ATP5MC1: variants seen among roughly 807,000 people sequenced by gnomAD.
ATP5MC1 encodes ATP synthase F(0) complex subunit C1, mitochondrial.
Under a neutral mutation model 12.1 loss-of-function variants are expected in ATP5MC1, and 4 were observed. The observed-to-expected ratio is 0.33, with a 90% confidence interval of 0.16 to 0.76. ATP5MC1 has a LOEUF of 0.76. Ranked by LOEUF, ATP5MC1 falls within the 30% of genes least tolerant of loss-of-function variation. The probability of loss-of-function intolerance (pLI) is 0.61; values close to 1 mark genes in which losing one functional copy is unlikely to be tolerated. For missense variants in ATP5MC1, 117 were observed against 172.1 expected (o/e 0.68, Z 1.79); for synonymous variants, 52 against 66.0 (o/e 0.79, Z 1.03).
rs754934515 is a variant in ATP5MC1 at position 48,895,621 on chromosome 17, T to C, written c.297-34T>C. Reference sequence around the variant, plus strand: ...CCTCCCCTCCCCTCACCCCTTCCTCTCCCTCAACTGGCAATGATCTCTGTC... The same window carrying C: ...CCTCCCCTCCCCTCACCCCTTCCTCCCCCTCAACTGGCAATGATCTCTGTC... On this transcript the variant is annotated intron_variant, in intron 4 of 4. Transcript: ENST00000393366. The C allele has an allele frequency of 1.3e-5, 20 of 1,563,004 alleles. No individual in the cohort carries two copies. In the Admixed American group the frequency reaches 2.3e-4, roughly 18 times the overall value.
intron 4 of ATP5MC1, 69 bp from the exon 5 acceptor site, chr17:48,895,586 C>A: frequency 3.5e-6 from 5 of 1,416,700 alleles, no homozygotes; most frequent in Non-Finnish European, 5.0e-6. Context: ...TTCACCTCAC[C>A]CTCCTGTGTC....
At chr17:48,894,697 G>A in intron 3 of ATP5MC1, 2 of 506,758 alleles carry the variant, frequency 3.9e-6, no homozygotes, top group Admixed American at 5.7e-5. Context: ...TAATCCCAGA[G>A]GTCGAGACTG....
intron 2 of ATP5MC1, 153 bp from the exon 3 acceptor site, chr17:48,894,219 G>A (rs2040552730): frequency 4.2e-6 from 3 of 718,916 alleles, no homozygotes; most frequent in Non-Finnish European, 7.2e-6. Flanking sequence ...CTGTCTCTGG[G>A]GCAGGCCTAT....
chr17:48,894,217 G>A (rs2040552711), intron 2 of ATP5MC1, 155 bp from the exon 3 acceptor site: 2 of 706,928 alleles, frequency 2.8e-6, no homozygotes, highest in East Asian at 5.4e-5. Context: ...AGCTGTCTCT[G>A]GGGCAGGCCT....
At chr17:48,894,864 A>C in intron 3 of ATP5MC1, 1 of 572,368 alleles carries the variant, frequency 1.7e-6, no homozygotes, top group Non-Finnish European at 3.3e-6. Context: ...GAGTTGGAGA[A>C]TCTGTATGCT....
chr17:48,895,855 C>A lies in ATP5MC1; in HGVS notation c.*86C>A. On this transcript the variant is annotated 3_prime_UTR_variant, in exon 5 of 5. Coordinates refer to ENST00000393366, the MANE Select transcript of ATP5MC1 (RefSeq NM_005175.3). ...GGGTGTGTTAAGCTTTACCATTAAA[C>A]ACAACGTTTCTCTAAACCCCTGTCT... The A allele has an allele frequency of 7.7e-7, 1 of 1,298,342 alleles. No individual in the cohort carries two copies. Among genetic ancestry groups the A allele is most frequent in the Non-Finnish European group, 1.1e-6 (1 of 903,992 alleles). The allele number at this position is 1,298,342 out of a possible 1,614,324, so 80.4% of individuals were successfully genotyped here. A position where few individuals can be genotyped will look rare whatever the true frequency, so the allele number is the denominator to read the frequency against.
rs773139188 is a variant in ATP5MC1, at chr17:48,893,390, AT to A, written c.-9-13del. The A allele has an allele frequency of 1.7e-4, 269 of 1,612,940 alleles. No individual in the cohort carries two copies. The highest frequency in any genetic ancestry group is 2.3e-4 in the African/African-American group (17 of 74,742). On this transcript the variant is annotated intron_variant, in intron 1 of 4. Coordinates refer to ENST00000393366, the MANE Select transcript of ATP5MC1 (RefSeq NM_005175.3). Reference sequence around the variant, plus strand: ...GGGTCTCAGTGGGATTATTATTACTATTTTTTCCCCCTCTGCAGACTGAAAA... The same window carrying A: ...GGGTCTCAGTGGGATTATTATTACTATTTTTCCCCCTCTGCAGACTGAAAA...
In ATP5MC1 at chr17:48,895,829, G is replaced by C; in HGVS notation, c.*60G>C. On this transcript the variant is annotated 3_prime_UTR_variant, in exon 5 of 5. Coordinates refer to ENST00000393366, the MANE Select transcript of ATP5MC1 (RefSeq NM_005175.3). ...GCAACTCCACACCATTCTTGGTGCT[G>C]GGGTGTGTTAAGCTTTACCATTAAA... 1 of 1,479,666 alleles carries C rather than the reference G, an allele frequency of 6.8e-7. No individual in the cohort carries two copies. The highest frequency in any genetic ancestry group is 9.4e-7 in the Non-Finnish European group (1 of 1,062,364). 91.7% of individuals were successfully genotyped at this position (1,479,666 alleles called of 1,614,324 possible). A position where few individuals can be genotyped will look rare whatever the true frequency, so the allele number is the denominator to read the frequency against.
intron 3 of ATP5MC1, chr17:48,894,739 T>G (rs991420312): frequency 1.7e-5 from 9 of 523,016 alleles, no homozygotes; most frequent in South Asian, 1.4e-4. Context: ...CCAGACTGGG[T>G]GACAGAGCAA....
At chr17:48,894,637 G>T in intron 3 of ATP5MC1, 188 bp downstream of exon 3, 1 of 560,234 alleles carries the variant, frequency 1.8e-6, no homozygotes, top group Non-Finnish European at 3.2e-6. Flanking sequence ...ATGTGTGGTG[G>T]CATGTGGCTG....
rs755320070 is a variant in ATP5MC1, at chr17:48,893,499, G to GTAC, written c.39+44_39+45insACT. 1.9e-6 allele frequency: 3 copies of GTAC among 1,608,238 alleles called. No individual in the cohort carries two copies. In the African/African-American group the frequency reaches 4.0e-5, roughly 22 times the overall value. ...AGTGCTCTGTAGTACCAGGTGTATG[G>GTAC]TGTGGACGCCATCAGTGTTTAATGA... On this transcript the variant is annotated intron_variant, in intron 2 of 4. Coordinates refer to ENST00000393366, the MANE Select transcript of ATP5MC1 (RefSeq NM_005175.3).
At position 48,895,849 on chromosome 17, in the gene ATP5MC1, AT is replaced by A; in HGVS notation, c.*82del. 3.7e-6 allele frequency: 5 copies of A among 1,341,308 alleles called. No individual in the cohort carries two copies. The highest frequency in any genetic ancestry group is 5.3e-6 in the Non-Finnish European group (5 of 941,108). 83.1% of individuals were successfully genotyped at this position (1,341,308 alleles called of 1,614,324 possible). Reference sequence around the variant, plus strand: ...GTGCTGGGGTGTGTTAAGCTTTACCATTAAACACAACGTTTCTCTAAACCCC... The same window carrying A: ...GTGCTGGGGTGTGTTAAGCTTTACCATAAACACAACGTTTCTCTAAACCCC... On this transcript the variant is annotated 3_prime_UTR_variant, in exon 5 of 5. Coordinates refer to ENST00000393366, the MANE Select transcript of ATP5MC1 (RefSeq NM_005175.3).
Position 48,895,163 on chromosome 17 carries a change from A to G in ATP5MC1, c.125A>G (p.Tyr42Cys). 1 of 1,604,084 alleles carries G rather than the reference A, an allele frequency of 6.2e-7. No homozygotes were observed. Among genetic ancestry groups the G allele is most frequent in the Non-Finnish European group, 8.5e-7 (1 of 1,172,136 alleles). ...SPVNSSKQPS[Y>C]SNFPLQVARR... ...CCTTGCTTCTCTTTCTAGCCTTCCT[A>G]CAGCAACTTCCCACTCCAGGTGGCC... is the stretch of plus-strand genomic sequence containing the variant. The change falls in exon 4 of 5, where the codon TAC becomes TGC. Residue 42 changes from tyrosine (Y) to cysteine (C), a missense_variant. Tyr to Cys is a radical substitution (Grantham distance 194). Transcript: ENST00000393366.
intron 3 of ATP5MC1, 162 bp downstream of exon 3, chr17:48,894,611 A>G: frequency 1.5e-6 from 1 of 654,336 alleles, no homozygotes; most frequent in South Asian, 1.8e-5. Flanking sequence ...CTACAAAAAA[A>G]ATAAAAAAAT....
intron 1 of ATP5MC1, 196 bp downstream of exon 1, chr17:48,893,106 T>C (rs1306918789): frequency 9.5e-6 from 4 of 420,212 alleles, no homozygotes; most frequent in Admixed American, 3.9e-5. Flanking sequence ...ATGGGCAGGA[T>C]CCTGCGCGAC....
At chr17:48,893,684 T>C in intron 2 of ATP5MC1, 1 of 596,336 alleles carries the variant, frequency 1.7e-6, no homozygotes, top group Non-Finnish European at 3.0e-6. Context: ...CCCCAGTCTG[T>C]CCTGGCCATA....
At chr17:48,894,976 G>C (rs2040558437) in intron 3 of ATP5MC1, 180 bp from the exon 4 acceptor site, 1 of 773,390 alleles carries the variant, frequency 1.3e-6, no homozygotes, top group African/African-American at 1.7e-5. Flanking sequence ...TCTGCTGTCT[G>C]ACAACAGACT....
chr17:48,894,862 G>C, intron 3 of ATP5MC1: 1 of 573,188 alleles, frequency 1.7e-6, no homozygotes, highest in Non-Finnish European at 3.3e-6. Flanking sequence ...GAGAGTTGGA[G>C]AATCTGTATG....
chr17:48,894,558 A>T, intron 3 of ATP5MC1, 109 bp downstream of exon 3: 1 of 1,131,704 alleles, frequency 8.8e-7, no homozygotes, highest in Admixed American at 1.9e-5. Flanking sequence ...ACTTGAGCCC[A>T]GTTGTTCAAG....
Sources: allele counts gnomAD v4.1 joint callset, GRCh38; gene constraint gnomAD v4.1.1; transcripts MANE v1.5; gene names NCBI Gene and HGNC (gene_info 2026-07-23, HGNC 2026-07-21).